The following OR13A1 variants were observed in gnomAD, a reference collection of about 807,000 sequenced individuals.
The protein encoded by OR13A1 is olfactory receptor 13A1.
In OR13A1, 10 loss-of-function variants were observed where a neutral mutation model predicts 7.5. The ratio of observed to expected loss-of-function variants is 1.34; its 90% CI spans 0.83 to 2.27. The LOEUF is 2.27. OR13A1 is among the 30% of genes most tolerant of loss of function. The probability of loss-of-function intolerance (pLI) is 0.00; values close to 1 mark genes in which losing one functional copy is unlikely to be tolerated. For synonymous variants in OR13A1, 238 were observed against 177.9 expected, an observed-to-expected ratio of 1.34 and a Z score of -2.69; for missense variants, 509 against 419.1, an observed-to-expected ratio of 1.21 and a Z score of -1.87.
chr10:45,304,547 C>T, intron 3 of OR13A1, 113 bp from the exon 4 acceptor site: 2 of 881,680 alleles, frequency 2.3e-6, no homozygotes, highest in African/African-American at 1.7e-5. Context: ...TTAAGATAAA[C>T]ACCCCAATAT....
At chr10:45,309,727 T>A (rs1838405398) in intron 1 of OR13A1, among the ~76,000 whole-genome samples, 1 of 152,134 alleles carries the variant, frequency 6.6e-6, no homozygotes, top group Non-Finnish European at 1.5e-5. Flanking sequence ...AGATGTATGT[T>A]TTTTCTTCCA....
Position 45,303,685 on chromosome 10 carries a change from C to T in OR13A1, c.738G>A (p.Val246=), listed in dbSNP as rs116114711. ...CTTTCTGCCTCCCCCAGGCAGTCTT[C>T]ACCTTCAGGATGCTGGAGACGATGA... is the stretch of plus-strand genomic sequence containing the variant. The part of the protein sequence containing the change: ...YGFIVSSILK[V]KTAWGRQKAF... Residue 246 remains valine (V), a synonymous_variant, in exon 4 of 4, where the codon GTG becomes GTA. Coordinates refer to ENST00000553795, the MANE Select transcript of OR13A1 (RefSeq NM_001004297.3). 996 of 1,614,208 alleles carry T rather than the reference C, an allele frequency of 6.2e-4. 7 individuals carry two copies. In the African/African-American group the frequency reaches 0.012, roughly 19 times the overall value.
intron 1 of OR13A1, among the ~76,000 whole-genome samples, chr10:45,310,495 T>C (rs1020026809): frequency 2.6e-5 from 4 of 152,200 alleles, no homozygotes; most frequent in African/African-American, 9.6e-5. Flanking sequence ...GTGAGGCAGA[T>C]ATTGTGCACA....
chr10:45,308,917 C>A (rs1036755572), intron 1 of OR13A1: 1 of 152,228 alleles, frequency 6.6e-6, no homozygotes, highest in African/African-American at 2.4e-5. Context: ...TGTGACTTAT[C>A]TTTAGCAACA....
At chr10:45,304,485 T>G in intron 3 of OR13A1, 51 bp from the exon 4 acceptor site, 1 of 1,465,888 alleles carries the variant, frequency 6.8e-7, no homozygotes, top group Non-Finnish European at 9.3e-7. Context: ...CCGTGTTTCT[T>G]CCACACCTCA....
intron 3 of OR13A1, among the ~76,000 whole-genome samples, chr10:45,306,452 C>CA (rs10550417): frequency 3.6e-4 from 48 of 134,118 alleles, no homozygotes; most frequent in South Asian, 2.0e-3. Context: ...GACTCCGTCT[C>CA]AAAAAAAAAA....
intron 3 of OR13A1, among the ~76,000 whole-genome samples, chr10:45,306,123 A>C (rs1838324025): frequency 6.6e-6 from 1 of 152,218 alleles, no homozygotes; most frequent in Admixed American, 6.5e-5. Flanking sequence ...AGCATAGTGC[A>C]CATTTGGTTT....
At chr10:45,306,247 G>A (rs1838327204) in intron 3 of OR13A1, among the ~76,000 whole-genome samples, 1 of 152,168 alleles carries the variant, frequency 6.6e-6, no homozygotes, top group Non-Finnish European at 1.5e-5. Flanking sequence ...AAGGTCAGGA[G>A]ATCGAGACCT....
At chr10:45,312,530 C>A (rs1425054185) in intron 1 of OR13A1, among the ~76,000 whole-genome samples, 1 of 150,210 alleles carries the variant, frequency 6.7e-6, no homozygotes, top group Non-Finnish European at 1.5e-5. Context: ...AAACATTTCA[C>A]AAATATAAAA....
chr10:45,305,674 T>C (rs923386289), intron 3 of OR13A1, among the ~76,000 whole-genome samples: 3 of 152,200 alleles, frequency 2.0e-5, no homozygotes, highest in Non-Finnish European at 4.4e-5. Flanking sequence ...ACTCCAGCCA[T>C]GCCCTGCACT....
chr10:45,306,889 AAG>A (rs1838341343), intron 3 of OR13A1, among the ~76,000 whole-genome samples: 2 of 152,234 alleles, frequency 1.3e-5, no homozygotes, highest in Non-Finnish European at 2.9e-5. Flanking sequence ...TTGGGACAAA[AAG>A]AGTGAATAAT....
chr10:45,311,298 A>G (rs1026274985), intron 1 of OR13A1, among the ~76,000 whole-genome samples: 2 of 152,194 alleles, frequency 1.3e-5, no homozygotes, highest in Non-Finnish European at 2.9e-5. Context: ...TGCATCTTAC[A>G]TGATTAAAAA....
At chr10:45,305,580 T>C (rs1199576494) in intron 3 of OR13A1, among the ~76,000 whole-genome samples, 5 of 152,182 alleles carry the variant, frequency 3.3e-5, no homozygotes, top group Non-Finnish European at 5.9e-5. Flanking sequence ...TGGCTTCCCA[T>C]TGCCAAAAGA....
chr10:45,309,892 G>A (rs1838408371), intron 1 of OR13A1, among the ~76,000 whole-genome samples: 1 of 152,140 alleles, frequency 6.6e-6, no homozygotes, highest in South Asian at 2.1e-4. Flanking sequence ...GCAGAAACTT[G>A]TATAAGTCCG....
chr10:45,303,612 T>C lies in OR13A1; in HGVS notation c.811A>G (p.Thr271Ala). 1.2e-6 allele frequency: 2 copies of C among 1,613,490 alleles called. No individual in the cohort carries two copies. The highest frequency in any genetic ancestry group is 1.7e-4 in the Middle Eastern group (1 of 6,050). The change falls in exon 4 of 4, where the codon ACC (threonine) becomes GCC (alanine). Residue 271 changes from threonine to alanine, a missense_variant. Transcript: ENST00000553795. Reference sequence around the variant, plus strand: ...CTTATGTAGGCGTAGAAGACAGCGGTGTAATACATGCACACCACGGTGAGG... The same window carrying C: ...CTTATGTAGGCGTAGAAGACAGCGGCGTAATACATGCACACCACGGTGAGG... ...SHLTVVCMYY[T>A]AVFYAYISPV...
chr10:45,310,886 A>G (rs904039859), intron 1 of OR13A1, among the ~76,000 whole-genome samples: 2 of 152,238 alleles, frequency 1.3e-5, no homozygotes, highest in African/African-American at 4.8e-5. Context: ...AAGAGTTATA[A>G]TATCCTTACA....
chr10:45,312,755 C>A (rs1838466326), intron 1 of OR13A1, among the ~76,000 whole-genome samples: 1 of 152,012 alleles, frequency 6.6e-6, no homozygotes, highest in African/African-American at 2.4e-5. Context: ...GGCCAGAAGG[C>A]AGGGGGATAA....
intron 1 of OR13A1, among the ~76,000 whole-genome samples, chr10:45,311,516 T>G (rs1030399513): frequency 6.6e-6 from 1 of 152,070 alleles, no homozygotes. Flanking sequence ...TGATATAATA[T>G]CCATACTAGG....
intron 1 of OR13A1, among the ~76,000 whole-genome samples, chr10:45,312,716 T>G (rs1838465937): frequency 6.6e-6 from 1 of 152,058 alleles, no homozygotes; most frequent in Admixed American, 6.6e-5. Flanking sequence ...TATAAAATTA[T>G]CAGTGGATTT....
Sources: allele counts gnomAD v4.1 joint callset (sites outside exome capture counted in the v4.1 genomes callset), GRCh38; gene constraint gnomAD v4.1.1; transcripts MANE v1.5; gene names NCBI Gene and HGNC (gene_info 2026-07-23, HGNC 2026-07-21).